The following COG5 variants were observed in gnomAD, a reference collection of about 807,000 sequenced individuals.
COG5 encodes the protein conserved oligomeric Golgi complex subunit 5.
A neutral mutation model predicts 110.4 loss-of-function variants in COG5; 86 were observed. The ratio of observed to expected loss-of-function variants is 0.78; its 90% CI spans 0.65 to 0.93. The LOEUF is 0.93. COG5 is among the 40% of genes least tolerant of loss of function. The pLI is 0.00. For missense variants in COG5, 1,077 were observed against 987.0 expected (o/e 1.09, Z -1.22); for synonymous variants, 360 against 334.6 (o/e 1.08, Z -0.83).
rs1165039141 is a variant in COG5 at position 107,558,097 on chromosome 7, A to T, written c.113T>A (p.Leu38Ter). 1.2e-6 allele frequency: 2 copies of T among 1,613,920 alleles called. No individual in the cohort carries two copies. The highest frequency in any genetic ancestry group is 4.5e-5 in the East Asian group (2 of 44,828). The change falls in exon 2 of 22, where the codon TTA (leucine) becomes TAA (stop). Residue 38 changes from leucine to a stop codon, truncating the protein, a stop_gained. Coordinates refer to ENST00000297135, the MANE Select transcript of COG5 (RefSeq NM_006348.5). LOFTEE classifies it high-confidence loss of function. ...LLQDGCYSDF[L>*]NEDFDVKTYT... Reference sequence around the variant, plus strand: ...AGTCTTTACATCAAAGTCTTCGTTTAAAAAGTCACTATAACACCCTGGATT... The same window carrying T: ...AGTCTTTACATCAAAGTCTTCGTTTTAAAAGTCACTATAACACCCTGGATT...
At chr7:107,437,753 T>C (rs1471092098) in intron 6 of COG5, among the ~76,000 whole-genome samples, 1 of 152,172 alleles carries the variant, frequency 6.6e-6, no homozygotes, top group Non-Finnish European at 1.5e-5. Context: ...AAACTGAAAT[T>C]CTTGCTTTCC....
At position 107,336,909 on chromosome 7, in the gene COG5, G is replaced by A. The variant is rs553854731; in HGVS notation, c.1027-12388C>T. 2.0e-5 allele frequency among the ~76,000 whole-genome samples: 3 copies of A among 152,134 alleles called. No homozygotes were observed. The East Asian group carries it at 5.8e-4, about 29-fold the overall frequency. ...GTGCAGACCGCCTGGGAGCCAGAAG[G>A]ACAAATATCCAGAACATAGAAAGAA... is the stretch of plus-strand genomic sequence containing the variant. On this transcript the variant is annotated intron_variant, in intron 10 of 21. Transcript: ENST00000297135.
intron 11 of COG5, among the ~76,000 whole-genome samples, chr7:107,307,851 CACCACTAAA>C (rs1807866024): frequency 6.6e-6 from 1 of 152,076 alleles, no homozygotes; most frequent in Non-Finnish European, 1.5e-5. Flanking sequence ...TCTCTGAAAT[CACCACTAAA>C]ACACTTATCC....
At chr7:107,344,726 G>A (rs748395249) in intron 10 of COG5, among the ~76,000 whole-genome samples, 7 of 152,202 alleles carry the variant, frequency 4.6e-5, no homozygotes, top group Admixed American at 2.0e-4. Flanking sequence ...GTTTCTCCAC[G>A]TTGGTCAGGC....
intron 6 of COG5, among the ~76,000 whole-genome samples, chr7:107,444,422 A>T (rs1794890777): frequency 6.6e-6 from 1 of 152,172 alleles, no homozygotes; most frequent in Admixed American, 6.6e-5. Flanking sequence ...GCACAGGCCA[A>T]ATGGTTCAGG....
At chr7:107,406,013 C>G (rs1791809484) in intron 7 of COG5, among the ~76,000 whole-genome samples, 1 of 152,114 alleles carries the variant, frequency 6.6e-6, no homozygotes, top group African/African-American at 2.4e-5. Flanking sequence ...TATAAGCCAC[C>G]CAGTTTATGG....
At chr7:107,381,740 C>T (rs1307933843) in intron 7 of COG5, among the ~76,000 whole-genome samples, 2 of 152,140 alleles carry the variant, frequency 1.3e-5, no homozygotes, top group African/African-American at 4.8e-5. Context: ...AATAATTAAC[C>T]AATTATCGAC....
intron 7 of COG5, among the ~76,000 whole-genome samples, chr7:107,401,872 C>T (rs1791457202): frequency 6.6e-6 from 1 of 152,184 alleles, no homozygotes; most frequent in South Asian, 2.1e-4. Context: ...TGCAGAACTA[C>T]TATCGCAAAC....
At chr7:107,361,161 G>A (rs188945139) in intron 10 of COG5, among the ~76,000 whole-genome samples, 9 of 152,162 alleles carry the variant, frequency 5.9e-5, no homozygotes, top group Admixed American at 3.3e-4. Flanking sequence ...TTTAACAATC[G>A]GTAGAATCAT....
At chr7:107,334,566 C>T (rs904956620) in intron 10 of COG5, among the ~76,000 whole-genome samples, 4 of 151,804 alleles carry the variant, frequency 2.6e-5, no homozygotes, top group African/African-American at 9.7e-5. Flanking sequence ...TATAAAGGAG[C>T]GCTACAATTG....
chr7:107,385,780 C>T (rs538377260), intron 7 of COG5, among the ~76,000 whole-genome samples: 11 of 150,470 alleles, frequency 7.3e-5, no homozygotes, highest in African/African-American at 2.7e-4. Flanking sequence ...AATTTCTCAA[C>T]ATCCTTGCCA....
intron 14 of COG5, among the ~76,000 whole-genome samples, chr7:107,263,191 C>T (rs1039792507): frequency 6.6e-6 from 1 of 152,180 alleles, no homozygotes; most frequent in African/African-American, 2.4e-5. Flanking sequence ...CATAATCCTC[C>T]ACCCATCTTC....
intron 19 of COG5, among the ~76,000 whole-genome samples, chr7:107,223,337 C>T (rs1280003423): frequency 6.6e-6 from 1 of 152,010 alleles, no homozygotes; most frequent in East Asian, 1.9e-4. Context: ...TTTAGGGAGG[C>T]CTAGTTTGTG....
At chr7:107,251,248 G>A (rs1481479113) in intron 16 of COG5, among the ~76,000 whole-genome samples, 1 of 151,650 alleles carries the variant, frequency 6.6e-6, no homozygotes, top group African/African-American at 2.4e-5. Flanking sequence ...AGTGCTAAGA[G>A]AAAAACATCT....
At chr7:107,325,828 T>C (rs1809718630) in intron 10 of COG5, among the ~76,000 whole-genome samples, 1 of 152,336 alleles carries the variant, frequency 6.6e-6, no homozygotes, top group Non-Finnish European at 1.5e-5. Context: ...TTTTCATTAA[T>C]TGTTCCTTTT....
At position 107,404,177 on chromosome 7, in the gene COG5, T is replaced by C. The variant is rs1439587692; in HGVS notation, c.669+8325A>G. ...TGCTATTTTAACTTTTACAATGAAC[T>C]GATATTGAAAATGATGGGCATCAAC... On this transcript the variant is annotated intron_variant, in intron 7 of 21. Transcript: ENST00000297135. Among the ~76,000 whole-genome samples the C allele has an allele frequency of 4.6e-5, 7 of 152,144 alleles. No homozygotes were observed. In the East Asian group the frequency reaches 1.3e-3, roughly 29 times the overall value.
intron 14 of COG5, among the ~76,000 whole-genome samples, chr7:107,265,310 C>T (rs1261559573): frequency 6.6e-6 from 1 of 152,090 alleles, no homozygotes; most frequent in African/African-American, 2.4e-5. Context: ...GGCAGGGTCT[C>T]CCTCTGTCAC....
chr7:107,267,991 G>A (rs1223259018), intron 14 of COG5, among the ~76,000 whole-genome samples: 2 of 151,870 alleles, frequency 1.3e-5, no homozygotes, highest in East Asian at 1.9e-4. Context: ...TTTTTGAGAC[G>A]GAGTTTCGCT....
At chr7:107,204,358 A>G (rs1798590937) in intron 21 of COG5, among the ~76,000 whole-genome samples, 1 of 152,190 alleles carries the variant, frequency 6.6e-6, no homozygotes, top group Admixed American at 6.5e-5. Context: ...TGTGGCCTGC[A>G]AAGTCTGAAA....
Sources: allele counts gnomAD v4.1 joint callset (sites outside exome capture counted in the v4.1 genomes callset), GRCh38; gene constraint gnomAD v4.1.1; transcripts MANE v1.5; gene names NCBI Gene and HGNC (gene_info 2026-07-23, HGNC 2026-07-21).